The following PLA2G7 variants were observed in gnomAD, a reference collection of about 807,000 sequenced individuals.
PLA2G7 encodes phospholipase A2 group VII, also known as platelet-activating factor acetylhydrolase.
A neutral mutation model predicts 49.6 loss-of-function variants in PLA2G7; 63 were observed. That is an observed-to-expected ratio of 1.27 (90% CI 1.04 to 1.57). PLA2G7 has a LOEUF of 1.57. Ranked by LOEUF, PLA2G7 falls within the 40% of genes most tolerant of loss-of-function variation. The pLI is 0.00. For missense variants in PLA2G7, 596 were observed against 521.2 expected, an observed-to-expected ratio of 1.14 and a Z score of -1.40; for synonymous variants, 193 against 169.9, an observed-to-expected ratio of 1.14 and a Z score of -1.06.
intron 4 of PLA2G7, among the ~76,000 whole-genome samples, chr6:46,714,824 C>T (rs1437524244): frequency 1.3e-5 from 2 of 150,460 alleles, no homozygotes; most frequent in African/African-American, 4.9e-5. Context: ...CAAACTCTGC[C>T]TCCCGGGTTC....
chr6:46,704,234 T>A lies in PLA2G7; in HGVS notation c.*326A>T. The A allele has an allele frequency of 3.6e-6, 1 of 277,772 alleles. No individual in the cohort carries two copies. Among genetic ancestry groups the A allele is most frequent in the Non-Finnish European group, 7.0e-6 (1 of 142,972 alleles). 17.2% of individuals were successfully genotyped at this position (277,772 alleles called of 1,614,324 possible). A position where few individuals can be genotyped will look rare whatever the true frequency, so the allele number is the denominator to read the frequency against. On this transcript the variant is annotated 3_prime_UTR_variant, in exon 12 of 12. Coordinates refer to ENST00000274793, the MANE Select transcript of PLA2G7 (RefSeq NM_005084.4). ...GGGATTTTGCCTGTTTTAATCTACT[T>A]GTCTGTCAAAGTAATGTAAAAACAG...
chr6:46,719,389 C>A (rs1404026480), intron 2 of PLA2G7, among the ~76,000 whole-genome samples: 1 of 152,200 alleles, frequency 6.6e-6, no homozygotes, highest in Non-Finnish European at 1.5e-5. Context: ...ATCACTGGCA[C>A]CAGCTGGAGC....
chr6:46,734,415 T>TGA (rs70996386), intron 1 of PLA2G7, among the ~76,000 whole-genome samples: 1 of 54,306 alleles, frequency 1.8e-5, no homozygotes, highest in Non-Finnish European at 4.0e-5. Flanking sequence ...TGTGTGTGTG[T>TGA]GAGAGAGAGA....
intron 1 of PLA2G7, among the ~76,000 whole-genome samples, chr6:46,724,660 C>T (rs1204964719): frequency 2.0e-5 from 3 of 152,168 alleles, no homozygotes; most frequent in Non-Finnish European, 4.4e-5. Flanking sequence ...CTCCTTCATG[C>T]CTTCCTTTCC....
In PLA2G7 at chr6:46,714,235, T is replaced by C. The variant is rs45442803; in HGVS notation, c.470+225A>G. 2.0e-3 allele frequency among the ~76,000 whole-genome samples: 306 copies of C among 152,268 alleles called. 2 individuals carry two copies. The highest frequency in any genetic ancestry group is 7.0e-3 in the African/African-American group (289 of 41,548). On this transcript the variant is annotated intron_variant, in intron 5 of 11. Transcript: ENST00000274793. ...CAACTATAGAAAATGCAACACCCTT[T>C]CTTCTCTGCTGTGAGGCTAATCCCA... is the stretch of plus-strand genomic sequence containing the variant.
chr6:46,725,301 G>A (rs549125459), intron 1 of PLA2G7, among the ~76,000 whole-genome samples: 6 of 150,800 alleles, frequency 4.0e-5, no homozygotes, highest in African/African-American at 1.5e-4. Flanking sequence ...GTGTGATCTC[G>A]GCTCATTGCA....
chr6:46,706,076 C>T (rs1278605155), intron 10 of PLA2G7, among the ~76,000 whole-genome samples: 1 of 152,172 alleles, frequency 6.6e-6, no homozygotes, highest in Non-Finnish European at 1.5e-5. Flanking sequence ...TCTTCTACTT[C>T]AAATGTTTCA....
At position 46,722,848 on chromosome 6, in the gene PLA2G7, C is replaced by A. The variant is rs763381977; in HGVS notation, c.44G>T (p.Cys15Phe). 1 of 1,613,948 alleles carries A rather than the reference C, an allele frequency of 6.2e-7. No individual in the cohort carries two copies. Among genetic ancestry groups the A allele is most frequent in the South Asian group, 1.1e-5 (1 of 91,064 alleles). ...KLHVLFCLCG[C>F]LAVVYPFDWQ... ...GTCAAAAGGATAAACCACAGCCAGG[C>A]AGCCGCAGAGGCAGAAAAGCACATG... is the stretch of plus-strand genomic sequence containing the variant. The change falls in exon 2 of 12, where the codon TGC becomes TTC. Residue 15 changes from cysteine to phenylalanine, a missense_variant. Physicochemically the swap from Cys to Phe is radical, Grantham distance 205 (BLOSUM62 -2). Coordinates refer to ENST00000274793, the MANE Select transcript of PLA2G7 (RefSeq NM_005084.4).
chr6:46,712,548 C>T lies in PLA2G7; in HGVS notation c.471-211G>A, dbSNP rs987296311. Among the ~76,000 whole-genome samples the T allele has an allele frequency of 2.6e-5, 4 of 152,122 alleles. No individual in the cohort carries two copies. The East Asian group carries it at 5.8e-4, about 22-fold the overall frequency. Reference sequence around the variant, plus strand: ...GTATTTTCATTATCATGAATGTGGGCGAGGGTATTTCTGGTGTCTAGTGGG... The same window carrying T: ...GTATTTTCATTATCATGAATGTGGGTGAGGGTATTTCTGGTGTCTAGTGGG... On this transcript the variant is annotated intron_variant, in intron 5 of 11. Transcript: ENST00000274793.
At chr6:46,708,216 T>C in intron 9 of PLA2G7, 55 bp from the exon 10 acceptor site, 3 of 1,299,744 alleles carry the variant, frequency 2.3e-6, no homozygotes, top group South Asian at 1.2e-5. Flanking sequence ...CTAGCCAACA[T>C]TGAGGACATC....
chr6:46,731,308 T>C (rs1359571578), intron 1 of PLA2G7, among the ~76,000 whole-genome samples: 1 of 152,184 alleles, frequency 6.6e-6, no homozygotes, highest in Non-Finnish European at 1.5e-5. Context: ...GAAACAACCC[T>C]ACCCAACTCT....
intron 10 of PLA2G7, 132 bp downstream of exon 10, chr6:46,707,859 T>C (rs374601040): frequency 9.5e-6 from 6 of 628,746 alleles, no homozygotes; most frequent in East Asian, 2.8e-5. Context: ...ACTGAGATTA[T>C]CTAATTCTCT....
intron 2 of PLA2G7, among the ~76,000 whole-genome samples, chr6:46,722,287 G>T (rs1458806435): frequency 2.0e-5 from 3 of 152,134 alleles, no homozygotes; most frequent in Admixed American, 1.3e-4. Context: ...AGGAAAGATT[G>T]TTTCCTTTTG....
chr6:46,712,651 A>C (rs1765067044), intron 5 of PLA2G7, among the ~76,000 whole-genome samples: 1 of 152,212 alleles, frequency 6.6e-6, no homozygotes, highest in South Asian at 2.1e-4. Flanking sequence ...CAAAATGTCA[A>C]GACTACTAAA....
rs760308042 is a variant in PLA2G7, at chr6:46,717,709, C to CT, written c.110-614dup. The stretch of plus-strand genomic sequence containing the variant: ...GGAGCCTCTATTTTCTTTCTTTTTT[C>CT]TTTTTCTTTTTTTTTTTTTTTGAGA... On this transcript the variant is annotated intron_variant, in intron 2 of 11. Transcript: ENST00000274793. Among the ~76,000 whole-genome samples the CT allele has an allele frequency of 1.7e-3, 199 of 116,198 alleles. 9 individuals carry two copies. The highest frequency in any genetic ancestry group is 2.7e-3 in the African/African-American group (71 of 26,100). The allele number at this position is 116,198 out of a possible 152,430, so 76.2% of individuals were successfully genotyped here.
At chr6:46,720,316 G>A (rs1034629314) in intron 2 of PLA2G7, among the ~76,000 whole-genome samples, 1 of 152,178 alleles carries the variant, frequency 6.6e-6, no homozygotes, top group Admixed American at 6.5e-5. Context: ...AAAGGACAGG[G>A]GAACATTTTC....
chr6:46,711,131 T>C (rs1019080143), intron 7 of PLA2G7, among the ~76,000 whole-genome samples: 1 of 152,210 alleles, frequency 6.6e-6, no homozygotes, highest in Non-Finnish European at 1.5e-5. Context: ...CTAAGGCCCA[T>C]ACTCTTAATT....
intron 10 of PLA2G7, among the ~76,000 whole-genome samples, chr6:46,707,106 T>C (rs1764854699): frequency 2.0e-5 from 3 of 152,142 alleles, no homozygotes; most frequent in African/African-American, 7.2e-5. Context: ...GGAGTTCTTT[T>C]TCACCTCCAG....
chr6:46,716,615 A>G (rs1300299861), intron 3 of PLA2G7, 87 bp from the exon 4 acceptor site: 63 of 1,334,710 alleles, frequency 4.7e-5, no homozygotes, highest in Non-Finnish European at 6.7e-5. Context: ...ATTAGTGGGG[A>G]CTCAAATACC....
Sources: allele counts gnomAD v4.1 joint callset (sites outside exome capture counted in the v4.1 genomes callset), GRCh38; gene constraint gnomAD v4.1.1; transcripts MANE v1.5; gene names NCBI Gene and HGNC (gene_info 2026-07-23, HGNC 2026-07-21).